Variants in TNRC6A observed in about 807,000 individuals in gnomAD.
TNRC6A encodes the protein trinucleotide repeat-containing gene 6A protein.
TNRC6A carries 44 observed loss-of-function variants against 221.2 expected under a neutral mutation model. The observed-to-expected ratio is 0.20, with a 90% CI of 0.16 to 0.26. TNRC6A has a LOEUF of 0.26. Among genes scored for constraint, TNRC6A ranks in the 10% least tolerant of loss-of-function variants. The probability of loss-of-function intolerance (pLI) is 1.00; values close to 1 mark genes in which losing one functional copy is unlikely to be tolerated. For synonymous variants in TNRC6A, 847 were observed against 838.5 expected, an observed-to-expected ratio of 1.01 and a Z score of -0.18; for missense variants, 2,199 against 2,404.4, an observed-to-expected ratio of 0.91 and a Z score of 1.79.
intron 2 of TNRC6A, among the ~76,000 whole-genome samples, chr16:24,699,402 C>CAGGCAA (rs1349854729): frequency 6.6e-6 from 1 of 152,132 alleles, no homozygotes; most frequent in Non-Finnish European, 1.5e-5. Context: ...AGGAGATATT[C>CAGGCAA]AGGCAAAGCT....
chr16:24,809,370 G>C lies in TNRC6A; in HGVS notation c.4561G>C (p.Val1521Leu). ...TTCAGGCTTGAACTCAAACTTGAATGTAAATATGGATATGAACAGTATTAA... is the reference window on the plus strand; with the variant it reads ...TTCAGGCTTGAACTCAAACTTGAATCTAAATATGGATATGAACAGTATTAA... ...FPIGLNSNLN[V>L]NMDMNSIKEP... The change falls in exon 18 of 25, where the codon GTA (valine) becomes CTA (leucine). Residue 1521 changes from valine (V) to leucine (L), a missense_variant. This residue lies in a region of TNRC6A where 449 missense variants were observed against 579.7 expected (regional missense o/e 0.77). Coordinates refer to ENST00000395799, the MANE Select transcript of TNRC6A (RefSeq NM_014494.4). 5.9e-6 allele frequency: 9 copies of C among 1,538,156 alleles called. No individual in the cohort carries two copies. Among genetic ancestry groups the C allele is most frequent in the Non-Finnish European group, 7.9e-6 (9 of 1,135,286 alleles).
At chr16:24,752,310 T>C (rs1203252936) in intron 3 of TNRC6A, among the ~76,000 whole-genome samples, 2 of 152,146 alleles carry the variant, frequency 1.3e-5, no homozygotes, top group Non-Finnish European at 2.9e-5. Context: ...TTAATCAGGC[T>C]AGGGGATACA....
intron 2 of TNRC6A, among the ~76,000 whole-genome samples, chr16:24,679,527 A>C (rs1391328089): frequency 6.6e-6 from 1 of 151,636 alleles, no homozygotes; most frequent in Non-Finnish European, 1.5e-5. Context: ...CCCAGGCTGG[A>C]GTGCAGTGGT....
intron 5 of TNRC6A, among the ~76,000 whole-genome samples, chr16:24,787,207 C>A (rs1197197147): frequency 2.0e-5 from 3 of 152,110 alleles, no homozygotes; most frequent in Admixed American, 6.5e-5. Flanking sequence ...AACAAAAGAA[C>A]CAGGTTAAGA....
intron 22 of TNRC6A, 96 bp from the exon 23 acceptor site, chr16:24,821,981 G>A (rs1427116293): frequency 8.6e-7 from 1 of 1,161,684 alleles, no homozygotes; most frequent in Non-Finnish European, 1.3e-6. Flanking sequence ...GTGCAAGGAA[G>A]TGAAGGAAGT....
upstream of TNRC6A, among the ~76,000 whole-genome samples, chr16:24,724,674 G>A (rs1342434130): frequency 6.6e-6 from 1 of 152,152 alleles, no homozygotes; most frequent in Non-Finnish European, 1.5e-5. Context: ...AGCCCAGGAG[G>A]TGGAGGTTGC....
chr16:24,636,162 G>T (rs1426077100), intron 1 of TNRC6A, among the ~76,000 whole-genome samples: 1 of 152,182 alleles, frequency 6.6e-6, no homozygotes, highest in African/African-American at 2.4e-5. Flanking sequence ...CATCAGGAAT[G>T]TGTGCTGGAT....
chr16:24,778,585 C>T, intron 5 of TNRC6A: 1 of 711,942 alleles, frequency 1.4e-6, no homozygotes, highest in South Asian at 6.3e-5. Context: ...TGAGCTTGGC[C>T]ATAACACATC....
chr16:24,782,817 A>G (rs1376320822), intron 5 of TNRC6A, among the ~76,000 whole-genome samples: 1 of 152,104 alleles, frequency 6.6e-6, no homozygotes, highest in Non-Finnish European at 1.5e-5. Flanking sequence ...GCTTACAGTG[A>G]GCCGAGATCG....
chr16:24,823,296 A>G lies in TNRC6A; in HGVS notation c.5514-136A>G. On this transcript the variant is annotated intron_variant, in intron 24 of 24. Coordinates refer to ENST00000395799, the MANE Select transcript of TNRC6A (RefSeq NM_014494.4). The surrounding 1 kb of genome is among the most constrained non-coding windows in gnomAD (Gnocchi z 4.3). ...ACACTCGGGTGAAGGGAGGGCACGC[A>G]GGTTATGTGGTGTAGTCTCTCCCTC... 8.8e-7 allele frequency: 1 copy of G among 1,141,498 alleles called. No individual in the cohort carries two copies. Among genetic ancestry groups the G allele is most frequent in the Non-Finnish European group, 1.2e-6 (1 of 813,074 alleles). 70.7% of individuals were successfully genotyped at this position (1,141,498 alleles called of 1,614,324 possible). A position where few individuals can be genotyped will look rare whatever the true frequency, so the allele number is the denominator to read the frequency against.
chr16:24,812,019 A>ATTTTTT (rs71156440), intron 18 of TNRC6A, among the ~76,000 whole-genome samples: 3 of 40,854 alleles, frequency 7.3e-5, no homozygotes, highest in Non-Finnish European at 1.3e-4. Context: ...TCACTTTGGG[A>ATTTTTT]TTTTTTTTTT....
At chr16:24,660,882 C>A (rs2055019230) in intron 2 of TNRC6A, among the ~76,000 whole-genome samples, 1 of 151,504 alleles carries the variant, frequency 6.6e-6, no homozygotes. Flanking sequence ...GCTGGGACTA[C>A]AGGTGCCCGC....
chr16:24,674,609 C>CAAATTCAATG (rs1291215042), intron 2 of TNRC6A, among the ~76,000 whole-genome samples: 1 of 151,710 alleles, frequency 6.6e-6, no homozygotes, highest in Admixed American at 6.6e-5. Flanking sequence ...TAAAAGCAGG[C>CAAATTCAATG]AAATTCAATG....
intron 5 of TNRC6A, among the ~76,000 whole-genome samples, chr16:24,781,154 A>G (rs1370344812): frequency 6.9e-6 from 1 of 144,862 alleles, no homozygotes; most frequent in Non-Finnish European, 1.5e-5. Flanking sequence ...TCCCAGCTCA[A>G]GTAATCCTCC....
At chr16:24,652,663 A>G (rs1902737266) in intron 2 of TNRC6A, among the ~76,000 whole-genome samples, 2 of 152,132 alleles carry the variant, frequency 1.3e-5, no homozygotes, top group South Asian at 4.1e-4. Context: ...ATTAAGTGGT[A>G]ATTATTAGGC....
chr16:24,619,707 C>G (rs981341423), intron 1 of TNRC6A, among the ~76,000 whole-genome samples: 1 of 152,070 alleles, frequency 6.6e-6, no homozygotes, highest in South Asian at 2.1e-4. Context: ...AGGAGAGGAA[C>G]GTCAGAGAAT....
chr16:24,650,369 G>GA (rs1902571116), intron 2 of TNRC6A, among the ~76,000 whole-genome samples: 1 of 151,908 alleles, frequency 6.6e-6, no homozygotes, highest in Non-Finnish European at 1.5e-5. Flanking sequence ...TCAATGCACA[G>GA]AAAAAAAGGG....
intron 2 of TNRC6A, among the ~76,000 whole-genome samples, chr16:24,654,519 A>C (rs1461394582): frequency 6.6e-6 from 1 of 152,140 alleles, no homozygotes; most frequent in Non-Finnish European, 1.5e-5. Context: ...AGTCTGACCA[A>C]CATGGTGAAA....
chr16:24,655,441 C>G (rs892670690), intron 2 of TNRC6A, among the ~76,000 whole-genome samples: 1 of 152,214 alleles, frequency 6.6e-6, no homozygotes, highest in Non-Finnish European at 1.5e-5. Context: ...GTAATCCCAG[C>G]ACTTTGGGAG....
Sources: gnomAD v4.1 joint callset for allele counts (sites outside exome capture counted in the v4.1 genomes callset) on GRCh38, gnomAD v4.1.1 for gene constraint, gnomAD v4.1.1 regional missense constraint, Gnocchi (gnomAD v3.1) non-coding constraint, MANE v1.5 for transcripts, NCBI Gene and HGNC (gene_info 2026-07-23, HGNC 2026-07-21) for gene names.